The following NAA11 variants were observed in gnomAD, a reference collection of about 807,000 sequenced individuals.
NAA11 encodes N-alpha-acetyltransferase 11.
In NAA11, 15 loss-of-function variants were observed where a neutral mutation model predicts 16.1. The ratio of observed to expected loss-of-function variants is 0.93; its 90% CI spans 0.62 to 1.44. The LOEUF (loss-of-function observed/expected upper bound fraction) is 1.44. NAA11 is among the 40% of genes most tolerant of loss of function. NAA11 has a pLI of 0.00. For synonymous variants in NAA11, 122 were observed against 112.4 expected, an observed-to-expected ratio of 1.09 and a Z score of -0.54; for missense variants, 298 against 291.3, an observed-to-expected ratio of 1.02 and a Z score of -0.17.
intron 2 of NAA11, among the ~76,000 whole-genome samples, chr4:79,267,439 G>C (rs1436247209): frequency 6.6e-6 from 1 of 152,160 alleles, no homozygotes; most frequent in African/African-American, 2.4e-5. Flanking sequence ...TGAACATTTG[G>C]ACAGGTCATA....
At chr4:79,258,091 G>A (rs1358116681) in intron 2 of NAA11, among the ~76,000 whole-genome samples, 1 of 152,266 alleles carries the variant, frequency 6.6e-6, no homozygotes, top group Admixed American at 6.5e-5. Flanking sequence ...TGGGAGCCAG[G>A]GAAAAGTGGG....
intron 2 of NAA11, among the ~76,000 whole-genome samples, chr4:79,235,908 TG>T (rs1721558900): frequency 6.6e-6 from 1 of 151,856 alleles, no homozygotes; most frequent in Non-Finnish European, 1.5e-5. Context: ...ACCTCCAGTA[TG>T]GATCAGATAG....
chr4:79,261,355 T>A (rs1722240648), intron 2 of NAA11, among the ~76,000 whole-genome samples: 2 of 152,126 alleles, frequency 1.3e-5, no homozygotes, highest in African/African-American at 4.8e-5. Flanking sequence ...ATTCTACTAT[T>A]TCAATAGGCA....
intron 1 of NAA11, among the ~76,000 whole-genome samples, chr4:79,307,691 C>T (rs1204605132): frequency 1.3e-5 from 2 of 152,148 alleles, no homozygotes; most frequent in African/African-American, 4.8e-5. Flanking sequence ...ACAATAACCA[C>T]AATCTAAGAA....
chr4:79,290,272 G>T (rs1241632114), intron 2 of NAA11, among the ~76,000 whole-genome samples: 1 of 152,076 alleles, frequency 6.6e-6, no homozygotes, highest in Non-Finnish European at 1.5e-5. Context: ...ATACGGCATA[G>T]ATAATATTCA....
chr4:79,298,672 C>T (rs1323761096), intron 1 of NAA11, among the ~76,000 whole-genome samples: 1 of 152,218 alleles, frequency 6.6e-6, no homozygotes, highest in Non-Finnish European at 1.5e-5. Context: ...CTGTTCCATG[C>T]CTGACTCGCC....
the NAA11 span, among the ~76,000 whole-genome samples, chr4:79,214,254 A>G: frequency 2.0e-5 from 3 of 152,308 alleles, no homozygotes; most frequent in South Asian, 6.2e-4. Context: ...CTTGATTTTG[A>G]TAACAGAAAT....
chr4:79,217,300 T>C, the NAA11 span, among the ~76,000 whole-genome samples: 1 of 152,184 alleles, frequency 6.6e-6, no homozygotes, highest in South Asian at 2.1e-4. Context: ...AATGGAAAGC[T>C]ACTACCTATC....
the NAA11 span, among the ~76,000 whole-genome samples, chr4:79,167,155 T>TATATA: frequency 1.4e-5 from 1 of 72,330 alleles, no homozygotes. Flanking sequence ...TATATATATA[T>TATATA]GTATATGGAG....
the NAA11 span, among the ~76,000 whole-genome samples, chr4:79,220,400 A>T: frequency 2.7e-5 from 4 of 150,100 alleles, no homozygotes; most frequent in Non-Finnish European, 5.9e-5. Context: ...GCTTTCTGTG[A>T]CTTTTCAATG....
the NAA11 span, among the ~76,000 whole-genome samples, chr4:79,196,788 T>C: frequency 2.6e-5 from 4 of 151,698 alleles, no homozygotes; most frequent in Non-Finnish European, 5.9e-5. Flanking sequence ...TCCTGGGTTA[T>C]CTAGGTGGGT....
intron 2 of NAA11, among the ~76,000 whole-genome samples, chr4:79,251,108 A>G (rs1352833295): frequency 1.3e-5 from 2 of 152,260 alleles, no homozygotes; most frequent in African/African-American, 4.8e-5. Context: ...CATTTGACTC[A>G]GCAATTCCAT....
chr4:79,160,069 G>A, the NAA11 span, among the ~76,000 whole-genome samples: 1 of 149,814 alleles, frequency 6.7e-6, no homozygotes, highest in Non-Finnish European at 1.5e-5. Context: ...TCAGCTCACT[G>A]CAACCTCCGC....
chr4:79,259,035 A>T, intron 2 of NAA11: 2 of 168,286 alleles, frequency 1.2e-5, no homozygotes, highest in Non-Finnish European at 2.6e-5. Context: ...GTCTGCAGAG[A>T]AAAGGTACCC....
chr4:79,216,651 C>A, the NAA11 span, among the ~76,000 whole-genome samples: 2 of 152,074 alleles, frequency 1.3e-5, no homozygotes, highest in African/African-American at 2.4e-5. Flanking sequence ...GAAATGACAT[C>A]ACTAATCATT....
chr4:79,276,394 GTCT>G lies in NAA11; in HGVS notation c.*122+17608_*122+17610del, dbSNP rs553882965. ...CACTGTCTACAGCCTGGAGTAATAA[GTCT>G]TACCAAGCTCTCTCTCTGCTATATC... is the stretch of plus-strand genomic sequence containing the variant. On this transcript the variant is annotated intron_variant and NMD_transcript_variant, in intron 2 of 2. Transcript: ENST00000511542. Among the ~76,000 whole-genome samples, 115 of 152,218 alleles carry G rather than the reference GTCT, an allele frequency of 7.6e-4. 1 individual carries two copies. The highest frequency in any genetic ancestry group is 2.6e-3 in the African/African-American group (110 of 41,556).
the NAA11 span, among the ~76,000 whole-genome samples, chr4:79,166,719 A>C: frequency 1.3e-5 from 2 of 148,562 alleles, no homozygotes; most frequent in Non-Finnish European, 3.0e-5. Flanking sequence ...AAATACAAAA[A>C]TTAGCTGGGC....
At chr4:79,162,260 G>A in the NAA11 span, among the ~76,000 whole-genome samples, 1 of 152,144 alleles carries the variant, frequency 6.6e-6, no homozygotes, top group Non-Finnish European at 1.5e-5. Context: ...TTCTAGGTTG[G>A]GAAAGGTGGT....
chr4:79,217,379 T>G, the NAA11 span, among the ~76,000 whole-genome samples: 2 of 152,168 alleles, frequency 1.3e-5, no homozygotes, highest in East Asian at 1.9e-4. Context: ...GCCATGATTT[T>G]AGGTGGTAAT....
Sources: allele counts gnomAD v4.1 joint callset (sites outside exome capture counted in the v4.1 genomes callset), GRCh38; gene constraint gnomAD v4.1.1; transcripts MANE v1.5; gene names NCBI Gene and HGNC (gene_info 2026-07-23, HGNC 2026-07-21).